VPS13B: variants seen among roughly 807,000 people sequenced by gnomAD.
VPS13B encodes intermembrane lipid transfer protein VPS13B.
A neutral mutation model predicts 426.4 loss-of-function variants in VPS13B; 285 were observed. The ratio of observed to expected loss-of-function variants is 0.67; its 90% CI spans 0.61 to 0.74. The LOEUF (loss-of-function observed/expected upper bound fraction) is 0.74, where lower values mean the gene tolerates loss of function less well. Among genes scored for constraint, VPS13B ranks in the 30% least tolerant of loss-of-function variants. The probability of loss-of-function intolerance (pLI) is 0.00; values close to 1 mark genes in which losing one functional copy is unlikely to be tolerated. For synonymous variants in VPS13B, 1,676 were observed against 1,676.4 expected (o/e 1.00, Z 0.01); for missense variants, 4,537 against 4,782.6 (o/e 0.95, Z 1.51).
At chr8:99,708,845 C>CTATATA (rs202053013) in intron 36 of VPS13B, among the ~76,000 whole-genome samples, 33 of 146,004 alleles carry the variant, frequency 2.3e-4, no homozygotes, top group African/African-American at 7.2e-4. Flanking sequence ...CTCTCTCTCT[C>CTATATA]TCTCTATATA....
rs1441862153 is a variant in VPS13B, at chr8:99,142,997, T to A, written c.1675T>A (p.Ser559Thr). Residue 559 changes from serine (S) to threonine (T), a missense_variant, in exon 13 of 62, where the codon TCT becomes ACT. Around this residue, in one of 2 missense-constraint regions of VPS13B, gnomAD observed 4,311 missense variants for 4,474.3 expected, o/e 0.96. Coordinates refer to ENST00000357162, the MANE Select transcript of VPS13B (RefSeq NM_152564.5). ...GKGSTNQQDFSSGKSEDLGTV... is the reference protein window; with the variant it reads ...GKGSTNQQDFTSGKSEDLGTV... The stretch of plus-strand genomic sequence containing the variant: ...AGGTTCCACAAATCAACAAGACTTT[T>A]CTTCAGGGAAAAGTGAAGATTTGGG... 3.7e-6 allele frequency: 6 copies of A among 1,613,520 alleles called. No homozygotes were observed. The South Asian group carries it at 6.6e-5, about 18-fold the overall frequency.
At chr8:99,413,820 A>T (rs1279008761) in intron 21 of VPS13B, among the ~76,000 whole-genome samples, 2 of 152,076 alleles carry the variant, frequency 1.3e-5, no homozygotes, top group African/African-American at 2.4e-5. Flanking sequence ...ATTCTTTTGC[A>T]TTTGCTGAGG....
At chr8:99,727,614 C>G (rs570860457) in intron 39 of VPS13B, among the ~76,000 whole-genome samples, 43 of 152,218 alleles carry the variant, frequency 2.8e-4, no homozygotes, top group African/African-American at 8.9e-4. Context: ...CTTGTGAGAC[C>G]CATTCACTAT....
chr8:99,255,316 A>AT (rs1323535495), intron 17 of VPS13B, among the ~76,000 whole-genome samples: 5 of 152,088 alleles, frequency 3.3e-5, no homozygotes, highest in Non-Finnish European at 5.9e-5. Context: ...TAATTGGAGC[A>AT]TTTTTATAAT....
chr8:99,867,705 CA>C (rs1275805274), intron 58 of VPS13B, among the ~76,000 whole-genome samples: 2 of 152,084 alleles, frequency 1.3e-5, no homozygotes, highest in African/African-American at 2.4e-5. Context: ...CAAATGATCT[CA>C]TACAAATAAA....
At position 99,583,057 on chromosome 8, in the gene VPS13B, C is replaced by T. The variant is rs139154545; in HGVS notation, c.5220+5424C>T. ...CATCAGTGGCTCTACCATAATTCCT[C>T]GCAATTTAATTTTTCACACTGTAAA... On this transcript the variant is annotated intron_variant, in intron 33 of 61. Transcript: ENST00000357162. Among the ~76,000 whole-genome samples, 25 of 152,282 alleles carry T rather than the reference C, an allele frequency of 1.6e-4. No homozygotes were observed. In the East Asian group the frequency reaches 2.3e-3, roughly 14 times the overall value.
At position 99,427,413 on chromosome 8, in the gene VPS13B, A is replaced by G. The variant is rs1421501927; in HGVS notation, c.3083-4124A>G. On this transcript the variant is annotated intron_variant, in intron 21 of 61. Coordinates refer to ENST00000357162, the MANE Select transcript of VPS13B (RefSeq NM_152564.5). ...GCAATGCGGGCTCTTTTTTGGTTCC[A>G]TATGAACTTTAAAGTAGTTTTTTCC... Among the ~76,000 whole-genome samples, 20 of 148,510 alleles carry G rather than the reference A, an allele frequency of 1.3e-4. No homozygotes were observed. The East Asian group carries it at 3.3e-3, about 25-fold the overall frequency.
chr8:99,408,813 G>T (rs975885950), intron 21 of VPS13B, among the ~76,000 whole-genome samples: 1 of 152,146 alleles, frequency 6.6e-6, no homozygotes, highest in African/African-American at 2.4e-5. Flanking sequence ...GTGGTCTGGA[G>T]AATGAAGAAT....
At chr8:99,707,415 C>G (rs1832537139) in intron 36 of VPS13B, among the ~76,000 whole-genome samples, 1 of 152,102 alleles carries the variant, frequency 6.6e-6, no homozygotes, top group African/African-American at 2.4e-5. Flanking sequence ...TTCCTTTCCC[C>G]AAAATCACAC....
At chr8:99,771,875 G>T (rs1397597776) in intron 40 of VPS13B, among the ~76,000 whole-genome samples, 1 of 152,176 alleles carries the variant, frequency 6.6e-6, no homozygotes, top group Non-Finnish European at 1.5e-5. Context: ...TTACACACTG[G>T]TATAATCCAG....
intron 43 of VPS13B, chr8:99,796,697 C>T (rs1812839465): frequency 6.6e-6 from 1 of 152,258 alleles, no homozygotes; most frequent in Non-Finnish European, 1.5e-5. Flanking sequence ...GTGGGTCTCA[C>T]CTGGTCTCAC....
chr8:99,746,693 T>G (rs1469598101), intron 39 of VPS13B, among the ~76,000 whole-genome samples: 1 of 152,142 alleles, frequency 6.6e-6, no homozygotes, highest in Non-Finnish European at 1.5e-5. Flanking sequence ...GGAGGGTTGT[T>G]TTATGAAAAA....
chr8:99,698,605 T>C (rs1001673578), intron 35 of VPS13B, among the ~76,000 whole-genome samples: 1 of 152,222 alleles, frequency 6.6e-6, no homozygotes, highest in African/African-American at 2.4e-5. Context: ...TTTGGGATTA[T>C]GTCTTCTGTT....
intron 17 of VPS13B, among the ~76,000 whole-genome samples, chr8:99,241,877 T>C (rs561396618): frequency 3.3e-4 from 50 of 152,320 alleles, no homozygotes; most frequent in African/African-American, 1.2e-3. Flanking sequence ...AAACATAGAT[T>C]AGAGTGGAAG....
intron 5 of VPS13B, among the ~76,000 whole-genome samples, chr8:99,105,228 C>T (rs959779896): frequency 1.3e-5 from 2 of 152,112 alleles, no homozygotes; most frequent in African/African-American, 2.4e-5. Context: ...TCTTATATAT[C>T]GTTAATGCCT....
chr8:99,371,786 C>T (rs1337213882), intron 19 of VPS13B, among the ~76,000 whole-genome samples: 1 of 152,142 alleles, frequency 6.6e-6, no homozygotes, highest in East Asian at 1.9e-4. Context: ...AGGTCCTTCA[C>T]GTCCTTTGTA....
At chr8:99,797,587 T>C (rs1445412811) in intron 43 of VPS13B, among the ~76,000 whole-genome samples, 2 of 152,180 alleles carry the variant, frequency 1.3e-5, no homozygotes, top group African/African-American at 2.4e-5. Context: ...GTCAATTCAG[T>C]TGGGCTCTTA....
At chr8:99,371,587 T>C (rs2133262109) in intron 19 of VPS13B, among the ~76,000 whole-genome samples, 1 of 152,358 alleles carries the variant, frequency 6.6e-6, no homozygotes, top group Middle Eastern at 3.4e-3. Context: ...AACTTTAAAG[T>C]AGTTTTTTCC....
intron 23 of VPS13B, among the ~76,000 whole-genome samples, 183 bp downstream of exon 23, chr8:99,442,818 T>C (rs1218899967): frequency 6.6e-6 from 1 of 152,060 alleles, no homozygotes; most frequent in Non-Finnish European, 1.5e-5. Flanking sequence ...ATCTTAGTCA[T>C]ATATTCACAT....
Sources: allele counts gnomAD v4.1 joint callset (sites outside exome capture counted in the v4.1 genomes callset), GRCh38; gene constraint gnomAD v4.1.1; regional missense constraint gnomAD v4.1.1; transcripts MANE v1.5; gene names NCBI Gene and HGNC (gene_info 2026-07-23, HGNC 2026-07-21).